MCPH1: variants seen among roughly 807,000 people sequenced by gnomAD.
MCPH1 encodes microcephalin.
In MCPH1, 104 loss-of-function variants were observed where a neutral mutation model predicts 84.5. The observed-to-expected ratio is 1.23, with a 90% CI of 1.05 to 1.45. The LOEUF (loss-of-function observed/expected upper bound fraction) is 1.45, where lower values mean the gene tolerates loss of function less well. MCPH1 is among the 40% of genes most tolerant of loss of function. The pLI is 0.00. For missense variants in MCPH1, 1,498 were observed against 1,005.7 expected (o/e 1.49, Z -6.62); for synonymous variants, 514 against 366.8 (o/e 1.40, Z -4.58).
chr8:6,623,956 G>A (rs1411899666), intron 13 of MCPH1, among the ~76,000 whole-genome samples: 2 of 152,230 alleles, frequency 1.3e-5, no homozygotes, highest in African/African-American at 4.8e-5. Context: ...TCAACAGGCA[G>A]TCTTTTTGGA....
At chr8:6,504,191 G>A (rs904837273) in intron 12 of MCPH1, among the ~76,000 whole-genome samples, 3 of 151,538 alleles carry the variant, frequency 2.0e-5, no homozygotes, top group Non-Finnish European at 4.4e-5. Flanking sequence ...GGTGGCGGAC[G>A]CCTGTAGTCC....
intron 9 of MCPH1, among the ~76,000 whole-genome samples, chr8:6,463,603 C>G (rs1014689424): frequency 6.6e-6 from 1 of 152,044 alleles, no homozygotes; most frequent in East Asian, 1.9e-4. Flanking sequence ...GTACTAGATG[C>G]CCAGAGGGTG....
chr8:6,630,795 A>C (rs60488979), intron 13 of MCPH1, among the ~76,000 whole-genome samples: 13,196 of 70,082 alleles, frequency 0.19, 1,070 homozygotes, highest in East Asian at 0.47. Flanking sequence ...AAAAAAAAAC[A>C]AAAAAAAAAA....
intron 11 of MCPH1, among the ~76,000 whole-genome samples, chr8:6,493,492 C>G (rs2129561438): frequency 6.6e-6 from 1 of 152,200 alleles, no homozygotes. Context: ...ACTTTTAGTA[C>G]TTTATTGCTT....
chr8:6,629,469 TAAAAA>T (rs1167877429), intron 13 of MCPH1, among the ~76,000 whole-genome samples: 1 of 151,814 alleles, frequency 6.6e-6, no homozygotes, highest in Admixed American at 6.6e-5. Context: ...CTCAAAAAAA[TAAAAA>T]TAAAATAAAG....
At chr8:6,628,496 A>T (rs1452757675) in intron 13 of MCPH1, among the ~76,000 whole-genome samples, 2 of 143,152 alleles carry the variant, frequency 1.4e-5, no homozygotes, top group Non-Finnish European at 3.1e-5. Flanking sequence ...AAAAAAAAAC[A>T]TTAAAAGCAG....
chr8:6,509,010 G>T, intron 12 of MCPH1: 2 of 1,614,088 alleles, frequency 1.2e-6, no homozygotes, highest in Non-Finnish European at 1.7e-6. Context: ...TTTCCTGGTT[G>T]GCTGATGCTG....
At chr8:6,520,676 G>A (rs1960240) in intron 12 of MCPH1, among the ~76,000 whole-genome samples, 40,783 of 152,082 alleles carry the variant, frequency 0.27, 6,301 homozygotes, top group East Asian at 0.69. Flanking sequence ...AATTAGAGGC[G>A]TGATCCACCA....
At chr8:6,510,428 G>T (rs1563317433) in intron 12 of MCPH1, among the ~76,000 whole-genome samples, 1 of 152,218 alleles carries the variant, frequency 6.6e-6, no homozygotes, top group Non-Finnish European at 1.5e-5. Flanking sequence ...ATGTTTGCAA[G>T]CTGCCACATT....
At chr8:6,491,945 A>C (rs1221141362) in intron 11 of MCPH1, among the ~76,000 whole-genome samples, 2 of 152,208 alleles carry the variant, frequency 1.3e-5, no homozygotes, top group African/African-American at 2.4e-5. Context: ...ACACGTGTGC[A>C]TGTGTCTTTA....
At chr8:6,522,229 C>G (rs971438867) in intron 12 of MCPH1, among the ~76,000 whole-genome samples, 1 of 152,048 alleles carries the variant, frequency 6.6e-6, no homozygotes, top group African/African-American at 2.4e-5. Flanking sequence ...GTGGCGGGCG[C>G]CTGTAGTCAC....
At chr8:6,619,945 C>G (rs188372310) in intron 12 of MCPH1, among the ~76,000 whole-genome samples, 2 of 152,322 alleles carry the variant, frequency 1.3e-5, no homozygotes, top group East Asian at 3.9e-4. Flanking sequence ...GAAAGATACT[C>G]TTTCTTGATT....
rs1799555742 is a variant in MCPH1 at position 6,417,948 on chromosome 8, CA to C, written c.233+3067del. Among the ~76,000 whole-genome samples the C allele has an allele frequency of 3.3e-5, 5 of 152,276 alleles. No individual in the cohort carries two copies. The South Asian group carries it at 8.3e-4, about 25-fold the overall frequency. ...AAAGAGCATGAGGTTTTTGTTTTAG[CA>C]AGCAGTTAACTTGTCGTTAAAATGA... On this transcript the variant is annotated intron_variant, in intron 3 of 13. Transcript: ENST00000344683.
intron 9 of MCPH1, among the ~76,000 whole-genome samples, chr8:6,476,671 C>T (rs976230697): frequency 2.0e-5 from 3 of 152,076 alleles, no homozygotes; most frequent in South Asian, 2.1e-4. Context: ...GTATACAAAC[C>T]GCTTCATGTC....
At chr8:6,500,402 G>C (rs1811926863) in intron 12 of MCPH1, 1 of 157,296 alleles carries the variant, frequency 6.4e-6, no homozygotes, top group Non-Finnish European at 1.4e-5. Context: ...TTAAGATTAA[G>C]TAATAATTAA....
At chr8:6,505,737 ATATT>A (rs1477692293) in intron 12 of MCPH1, among the ~76,000 whole-genome samples, 2 of 134,202 alleles carry the variant, frequency 1.5e-5, no homozygotes, top group African/African-American at 5.5e-5. Context: ...TATTCTATAT[ATATT>A]CTTTATATAT....
chr8:6,522,007 T>A (rs1817436386), intron 12 of MCPH1, among the ~76,000 whole-genome samples: 1 of 152,194 alleles, frequency 6.6e-6, no homozygotes, highest in Non-Finnish European at 1.5e-5. Context: ...CACCTGTTAA[T>A]TAGGATACTA....
At chr8:6,523,905 T>TA (rs5889174) in intron 12 of MCPH1, among the ~76,000 whole-genome samples, 1 of 150,892 alleles carries the variant, frequency 6.6e-6, no homozygotes, top group South Asian at 2.1e-4. Context: ...TTTTTTTTTT[T>TA]AATAAGATAC....
chr8:6,609,541 T>G (rs929669972), intron 12 of MCPH1, among the ~76,000 whole-genome samples: 6 of 152,238 alleles, frequency 3.9e-5, no homozygotes, highest in Admixed American at 2.6e-4. Flanking sequence ...TGAATCGCCT[T>G]CAGCGAAAGT....
Sources: gnomAD v4.1 joint callset for allele counts (sites outside exome capture counted in the v4.1 genomes callset) on GRCh38, gnomAD v4.1.1 for gene constraint, MANE v1.5 for transcripts, NCBI Gene and HGNC (gene_info 2026-07-23, HGNC 2026-07-21) for gene names.